ULK4: variants seen among roughly 807,000 people sequenced by gnomAD.
ULK4 encodes inactive serine/threonine-protein kinase ULK4.
In ULK4, 133 loss-of-function variants were observed where a neutral mutation model predicts 160.6. The observed-to-expected ratio is 0.83, with a 90% CI of 0.72 to 0.96. The LOEUF (loss-of-function observed/expected upper bound fraction) is 0.96. Among genes scored for constraint, ULK4 ranks in the 40% least tolerant of loss-of-function variants. ULK4 has a pLI of 0.00. For synonymous variants in ULK4, 534 were observed against 539.8 expected (o/e 0.99, Z 0.15); for missense variants, 1,580 against 1,499.5 (o/e 1.05, Z -0.89).
intron 34 of ULK4, among the ~76,000 whole-genome samples, chr3:41,441,271 A>G (rs1329024372): frequency 6.6e-6 from 1 of 152,098 alleles, no homozygotes; most frequent in Non-Finnish European, 1.5e-5. Context: ...CTTTTCTAAA[A>G]GAGGAGTCAT....
At chr3:41,771,700 A>C (rs2039385179) in intron 21 of ULK4, among the ~76,000 whole-genome samples, 1 of 152,198 alleles carries the variant, frequency 6.6e-6, no homozygotes, top group Non-Finnish European at 1.5e-5. Context: ...CCCTCAAAGA[A>C]AAAACGACTG....
intron 30 of ULK4, among the ~76,000 whole-genome samples, chr3:41,659,141 C>T (rs556235776): frequency 6.6e-6 from 1 of 152,274 alleles, no homozygotes; most frequent in Admixed American, 6.5e-5. Flanking sequence ...CCCGAGGCCT[C>T]TTGAACAATG....
intron 35 of ULK4, among the ~76,000 whole-genome samples, chr3:41,368,413 A>T (rs529393140): frequency 6.6e-6 from 1 of 152,274 alleles, no homozygotes; most frequent in South Asian, 2.1e-4. Context: ...AAAGTGTACA[A>T]ACTCAGTGCT....
chr3:41,546,767 TAAAAAAAAAAA>T (rs1158675738), intron 32 of ULK4, among the ~76,000 whole-genome samples: 2 of 32,538 alleles, frequency 6.1e-5, no homozygotes, highest in African/African-American at 8.7e-5. Flanking sequence ...CCTAGGCCCT[TAAAAAAAAAAA>T]AAAAAAAAAA....
rs531168293 is a variant in ULK4, at chr3:41,945,252, C to T, written c.139-7055G>A. 5.4e-5 allele frequency among the ~76,000 whole-genome samples: 8 copies of T among 148,934 alleles called. No homozygotes were observed. The East Asian group carries it at 1.5e-3, about 29-fold the overall frequency. On this transcript the variant is annotated intron_variant, in intron 2 of 36. Transcript: ENST00000301831. ...CATACTGCCTCTGCCTCAAGATGTG[C>T]CGGCAAATGGATGGATGCCTTGGGG...
intron 34 of ULK4, among the ~76,000 whole-genome samples, chr3:41,437,915 G>A (rs2083072648): frequency 6.6e-6 from 1 of 152,080 alleles, no homozygotes; most frequent in African/African-American, 2.4e-5. Context: ...TGGAGGAAGA[G>A]AAGGCCAGTG....
chr3:41,383,311 T>G (rs571350335), intron 35 of ULK4, among the ~76,000 whole-genome samples: 1 of 152,094 alleles, frequency 6.6e-6, no homozygotes, highest in Non-Finnish European at 1.5e-5. Flanking sequence ...GTTTGCCAGG[T>G]TGGTCTCGAA....
rs1336592493 is a variant in ULK4 at position 41,506,032 on chromosome 3, T to C, written c.3227-42779A>G. On this transcript the variant is annotated intron_variant, in intron 32 of 36. Coordinates refer to ENST00000301831, the MANE Select transcript of ULK4 (RefSeq NM_017886.4). The stretch of plus-strand genomic sequence containing the variant: ...AAATTATAAATATATGTTTGTCAAA[T>C]GCATTTACTGTAGTGTTCTTTTAAT... Among the ~76,000 whole-genome samples, 3 of 152,198 alleles carry C rather than the reference T, an allele frequency of 2.0e-5. No individual in the cohort carries two copies. In the East Asian group the frequency reaches 5.8e-4, roughly 29 times the overall value.
intron 17 of ULK4, among the ~76,000 whole-genome samples, chr3:41,874,439 G>A (rs370304789): frequency 2.0e-5 from 3 of 152,112 alleles, no homozygotes; most frequent in Admixed American, 6.5e-5. Flanking sequence ...GCTAAAGAAC[G>A]TAGTGCCAAT....
chr3:41,882,534 T>G (rs867841882), intron 17 of ULK4, among the ~76,000 whole-genome samples: 5 of 152,232 alleles, frequency 3.3e-5, no homozygotes, highest in Admixed American at 6.5e-5. Flanking sequence ...CTTTATCCTC[T>G]TTCTTTCTGA....
chr3:41,940,927 T>C (rs568072613), intron 2 of ULK4, among the ~76,000 whole-genome samples: 1 of 152,240 alleles, frequency 6.6e-6, no homozygotes, highest in East Asian at 1.9e-4. Context: ...CCTTTTAAAA[T>C]TCCACTAAAT....
At chr3:41,455,329 A>T (rs552500149) in intron 34 of ULK4, among the ~76,000 whole-genome samples, 168 bp downstream of exon 34, 1 of 152,342 alleles carries the variant, frequency 6.6e-6, no homozygotes, top group South Asian at 2.1e-4. Context: ...CCTGGTTTTA[A>T]AATAAAGTAG....
At chr3:41,831,758 T>G (rs2041597565) in intron 18 of ULK4, among the ~76,000 whole-genome samples, 1 of 152,078 alleles carries the variant, frequency 6.6e-6, no homozygotes, top group Non-Finnish European at 1.5e-5. Context: ...GTCCATGTGT[T>G]CTCATTGTTC....
At chr3:41,848,357 A>T (rs1375137035) in intron 17 of ULK4, among the ~76,000 whole-genome samples, 1 of 152,214 alleles carries the variant, frequency 6.6e-6, no homozygotes, top group Non-Finnish European at 1.5e-5. Context: ...TTAGATGTCA[A>T]CAAATGTCAA....
intron 18 of ULK4, among the ~76,000 whole-genome samples, chr3:41,826,126 A>T (rs563355750): frequency 6.6e-6 from 1 of 152,258 alleles, no homozygotes; most frequent in South Asian, 2.1e-4. Context: ...TTTTGACACC[A>T]CCAGGCCTGC....
intron 19 of ULK4, among the ~76,000 whole-genome samples, chr3:41,811,966 A>C (rs2040830783): frequency 6.6e-6 from 1 of 152,178 alleles, no homozygotes; most frequent in South Asian, 2.1e-4. Flanking sequence ...AACCTGCTTT[A>C]TGAACATGAT....
chr3:41,574,284 T>C (rs918776011), intron 31 of ULK4, among the ~76,000 whole-genome samples: 1 of 152,028 alleles, frequency 6.6e-6, no homozygotes, highest in Admixed American at 6.6e-5. Flanking sequence ...CAATTGGAGG[T>C]CCCACAGCTT....
At chr3:41,257,867 A>G (rs780835783) in intron 35 of ULK4, among the ~76,000 whole-genome samples, 1 of 152,202 alleles carries the variant, frequency 6.6e-6, no homozygotes, top group Non-Finnish European at 1.5e-5. Flanking sequence ...AGACTTATAG[A>G]GTCTGATTTG....
chr3:41,451,053 G>A (rs72869602), intron 34 of ULK4, among the ~76,000 whole-genome samples: 4,102 of 152,176 alleles, frequency 0.027, 179 homozygotes, highest in African/African-American at 0.091. Context: ...TGAACACTGG[G>A]TGGCATCACC....
Sources: gnomAD v4.1 joint callset for allele counts (sites outside exome capture counted in the v4.1 genomes callset) on GRCh38, gnomAD v4.1.1 for gene constraint, MANE v1.5 for transcripts, NCBI Gene and HGNC (gene_info 2026-07-23, HGNC 2026-07-21) for gene names.